Variants in ZNF704 observed in about 807,000 individuals in gnomAD.
The protein encoded by ZNF704 is glucocorticoid induced gene 1.
In ZNF704, 10 loss-of-function variants were observed where a neutral mutation model predicts 44.7. That is an observed-to-expected ratio of 0.22 (90% CI 0.14 to 0.38). ZNF704 has a LOEUF of 0.38. Ranked by LOEUF, ZNF704 falls within the 10% of genes least tolerant of loss-of-function variation. ZNF704 has a pLI of 1.00. For missense variants in ZNF704, 390 were observed against 545.5 expected (o/e 0.71, Z 2.84); for synonymous variants, 211 against 207.6 (o/e 1.02, Z -0.14).
intron 4 of ZNF704, among the ~76,000 whole-genome samples, chr8:80,679,826 C>A (rs770525251): frequency 6.6e-6 from 1 of 152,218 alleles, no homozygotes; most frequent in Non-Finnish European, 1.5e-5. Context: ...CCTGGAATCT[C>A]ACATATGCCT....
intron 4 of ZNF704, among the ~76,000 whole-genome samples, chr8:80,672,983 T>C (rs1271172100): frequency 6.6e-6 from 1 of 152,068 alleles, no homozygotes; most frequent in African/African-American, 2.4e-5. Context: ...ACGTAGTAAA[T>C]AACAATACCT....
At chr8:80,660,225 C>T (rs978292190) in intron 6 of ZNF704, among the ~76,000 whole-genome samples, 1 of 152,094 alleles carries the variant, frequency 6.6e-6, no homozygotes, top group African/African-American at 2.4e-5. Flanking sequence ...GTAATCCCAG[C>T]ACTTAAGAGT....
intron 2 of ZNF704, among the ~76,000 whole-genome samples, chr8:80,704,797 TCTC>T (rs1008861018): frequency 6.6e-6 from 1 of 152,138 alleles, no homozygotes; most frequent in Non-Finnish European, 1.5e-5. Flanking sequence ...GCCCTACACA[TCTC>T]CTCATCTGTA....
intron 2 of ZNF704, among the ~76,000 whole-genome samples, chr8:80,779,220 T>C (rs1407441504): frequency 1.3e-5 from 2 of 152,094 alleles, no homozygotes; most frequent in Non-Finnish European, 2.9e-5. Flanking sequence ...TCCAGGCCAG[T>C]TGTTTTACAT....
chr8:80,883,388 A>G, the ZNF704 span, among the ~76,000 whole-genome samples: 3 of 152,208 alleles, frequency 2.0e-5, no homozygotes, highest in African/African-American at 7.2e-5. Context: ...GAGCATACAA[A>G]TGGCTCACCT....
rs541390255 is a variant in ZNF704 at position 80,757,861 on chromosome 8, G to T, written c.221+63513C>A. On this transcript the variant is annotated intron_variant, in intron 2 of 8. Coordinates refer to ENST00000327835, the MANE Select transcript of ZNF704 (RefSeq NM_001033723.3). The stretch of plus-strand genomic sequence containing the variant: ...ACAGGCTAGACCATATAGCCTAGGT[G>T]TATAGTAGCCTCTACCATCAAGGTT... Among the ~76,000 whole-genome samples the T allele has an allele frequency of 2.6e-5, 4 of 152,310 alleles. No individual in the cohort carries two copies. The South Asian group carries it at 8.3e-4, about 32-fold the overall frequency.
chr8:80,736,031 A>G (rs574047230), intron 2 of ZNF704, among the ~76,000 whole-genome samples: 57 of 152,324 alleles, frequency 3.7e-4, no homozygotes, highest in African/African-American at 1.2e-3. Context: ...GCTTCCTGCC[A>G]TAAGGTCTAT....
At chr8:80,697,370 C>T (rs1200650625) in intron 2 of ZNF704, among the ~76,000 whole-genome samples, 1 of 152,188 alleles carries the variant, frequency 6.6e-6, no homozygotes, top group African/African-American at 2.4e-5. Context: ...GCAGGCTATT[C>T]AGCTGTTTTT....
Position 80,641,124 on chromosome 8 carries a change from G to GA in ZNF704, c.*241dup, listed in dbSNP as rs889051167. ...AAAAAAGTTGACTTTTCTTTTGAAGGAAAAAAAACTAGTTATAGCTGCTCC... is the reference window on the plus strand; with the variant it reads ...AAAAAAGTTGACTTTTCTTTTGAAGGAAAAAAAAACTAGTTATAGCTGCTCC... On this transcript the variant is annotated 3_prime_UTR_variant, in exon 9 of 9. Transcript: ENST00000327835. 2.2e-4 allele frequency: 69 copies of GA among 309,534 alleles called. No homozygotes were observed. Among genetic ancestry groups the GA allele is most frequent in the Non-Finnish European group, 3.5e-4 (59 of 170,090 alleles). 19.2% of individuals were successfully genotyped at this position (309,534 alleles called of 1,614,324 possible).
upstream of ZNF704, among the ~76,000 whole-genome samples, chr8:80,874,948 GCTGAGTGTGTAGGT>G (rs1809337328): frequency 6.6e-6 from 1 of 152,110 alleles, no homozygotes; most frequent in Non-Finnish European, 1.5e-5. This position sits in a 1 kb window ranked among gnomAD's most constrained non-coding sequence, Gnocchi z 4.4. Context: ...TTGGCTCTGT[GCTGAGTGTGTAGGT>G]CTTTCAGCTT....
At chr8:80,707,930 G>T (rs948669928) in intron 2 of ZNF704, among the ~76,000 whole-genome samples, 4 of 152,208 alleles carry the variant, frequency 2.6e-5, no homozygotes, top group Non-Finnish European at 5.9e-5. Flanking sequence ...AAGACACTTG[G>T]AGTGTCCAAA....
At chr8:80,652,159 T>A (rs945992974) in intron 7 of ZNF704, among the ~76,000 whole-genome samples, 1 of 152,118 alleles carries the variant, frequency 6.6e-6, no homozygotes, top group African/African-American at 2.4e-5. Context: ...CTGGGTCACA[T>A]TCAAAGCAGT....
At chr8:80,755,856 A>G (rs904570347) in intron 2 of ZNF704, among the ~76,000 whole-genome samples, 2 of 152,174 alleles carry the variant, frequency 1.3e-5, no homozygotes, top group African/African-American at 4.8e-5. Context: ...CTGTAATTCC[A>G]GCACTTTGGG....
At chr8:80,862,456 T>C (rs1809080135) in intron 1 of ZNF704, among the ~76,000 whole-genome samples, 1 of 151,700 alleles carries the variant, frequency 6.6e-6, no homozygotes, top group Non-Finnish European at 1.5e-5. Flanking sequence ...TGAATCAGAA[T>C]AAAGAGCAAA....
At chr8:80,828,174 C>A (rs1036479226) in intron 1 of ZNF704, among the ~76,000 whole-genome samples, 2 of 152,206 alleles carry the variant, frequency 1.3e-5, no homozygotes, top group African/African-American at 4.8e-5. Flanking sequence ...TTTTTACAAT[C>A]TACTCAGCAG....
At chr8:80,870,991 C>T (rs575558812) in intron 1 of ZNF704, among the ~76,000 whole-genome samples, 2 of 152,288 alleles carry the variant, frequency 1.3e-5, no homozygotes, top group African/African-American at 4.8e-5. Context: ...TGGTCTCATC[C>T]TGGATTCCTC....
At chr8:80,809,642 G>A (rs1300860267) in intron 2 of ZNF704, among the ~76,000 whole-genome samples, 1 of 152,172 alleles carries the variant, frequency 6.6e-6, no homozygotes, top group Non-Finnish European at 1.5e-5. Flanking sequence ...ATGTAGAGAA[G>A]TAGTTACATA....
chr8:80,667,962 A>G (rs1291082528), intron 5 of ZNF704, among the ~76,000 whole-genome samples: 3 of 152,208 alleles, frequency 2.0e-5, no homozygotes, highest in Admixed American at 6.5e-5. Context: ...CACTACGTAA[A>G]ATGCTTATTA....
Position 80,789,939 on chromosome 8 carries a change from C to A in ZNF704, c.221+31435G>T, listed in dbSNP as rs146686950. Among the ~76,000 whole-genome samples, 192 of 152,192 alleles carry A rather than the reference C, an allele frequency of 1.3e-3. 2 individuals carry two copies. Among genetic ancestry groups the A allele is most frequent in the African/African-American group, 4.5e-3 (188 of 41,532 alleles). ...AATAGTCAGAGAAAGGATATTTGTA[C>A]GTTAAAATCCAATGACTTGTCCATG... On this transcript the variant is annotated intron_variant, in intron 2 of 8. Coordinates refer to ENST00000327835, the MANE Select transcript of ZNF704 (RefSeq NM_001033723.3).
Sources: allele counts gnomAD v4.1 joint callset (sites outside exome capture counted in the v4.1 genomes callset), GRCh38; gene constraint gnomAD v4.1.1; non-coding constraint Gnocchi (gnomAD v3.1); transcripts MANE v1.5; gene names NCBI Gene and HGNC (gene_info 2026-07-23, HGNC 2026-07-21).